Variants in HMBOX1 observed in about 807,000 individuals in gnomAD.
HMBOX1 encodes the protein homeobox-containing protein 1.
In HMBOX1, 14 loss-of-function variants were observed where a neutral mutation model predicts 54.5. The ratio of observed to expected loss-of-function variants is 0.26; its 90% CI spans 0.17 to 0.40. The LOEUF is 0.40. HMBOX1 is among the 10% of genes least tolerant of loss of function. The pLI, the probability that HMBOX1 is intolerant of heterozygous loss-of-function variation, is 1.00. For missense variants in HMBOX1, 332 were observed against 514.4 expected (o/e 0.65, Z 3.43); for synonymous variants, 160 against 181.0 (o/e 0.88, Z 0.93).
rs147891204 is a variant in HMBOX1, at chr8:29,009,154, A to T, written c.669A>T (p.Arg223=). ...AACAGAAGAAAAGAGCATTTTACCGATGGTATCAACTTGAGAAGACAAACC... is the reference window on the plus strand; with the variant it reads ...AACAGAAGAAAAGAGCATTTTACCGTTGGTATCAACTTGAGAAGACAAACC... ...LSEQKKRAFY[R]WYQLEKTNPG... is the part of the protein sequence containing the mutation. The change falls in exon 5 of 10, where the codon CGA becomes CGT. Residue 223 remains arginine, a synonymous_variant. Transcript: ENST00000287701. 1.1e-3 allele frequency: 1,823 copies of T among 1,613,216 alleles called. 1 individual carries two copies. The highest frequency in any genetic ancestry group is 1.3e-3 in the Non-Finnish European group (1,490 of 1,179,214).
intron 5 of HMBOX1, among the ~76,000 whole-genome samples, chr8:29,012,088 T>A (rs1264587476): frequency 6.6e-6 from 1 of 152,260 alleles, no homozygotes; most frequent in Non-Finnish European, 1.5e-5. Context: ...TTGGTAGTTG[T>A]TGTTGCGTTA....
intron 1 of HMBOX1, among the ~76,000 whole-genome samples, chr8:28,923,755 C>A (rs770395682): frequency 7.2e-5 from 11 of 152,068 alleles, no homozygotes; most frequent in Non-Finnish European, 1.5e-4. Context: ...TTTTTCACGT[C>A]CTCACCAACA....
chr8:29,030,408 G>A (rs1376804437), intron 6 of HMBOX1, among the ~76,000 whole-genome samples: 1 of 151,856 alleles, frequency 6.6e-6, no homozygotes, highest in East Asian at 1.9e-4. Context: ...TATTAGAGAC[G>A]GGGTTTCTCT....
intron 4 of HMBOX1, among the ~76,000 whole-genome samples, chr8:29,005,230 G>T (rs1833274692): frequency 6.6e-6 from 1 of 152,128 alleles, no homozygotes; most frequent in African/African-American, 2.4e-5. Context: ...GGAGGGGGAA[G>T]ACAGAAATTC....
chr8:28,908,223 T>C (rs996264777), intron 1 of HMBOX1, among the ~76,000 whole-genome samples: 1 of 152,210 alleles, frequency 6.6e-6, no homozygotes, highest in East Asian at 1.9e-4. Context: ...ATTTGGTTTG[T>C]ACTGTTATTT....
chr8:29,045,290 G>A (rs1199896429), intron 6 of HMBOX1, 71 bp from the exon 7 acceptor site: 2 of 1,146,740 alleles, frequency 1.7e-6, no homozygotes, highest in Non-Finnish European at 1.3e-6. Flanking sequence ...ATATTTTTCA[G>A]TGAGTTAGTG....
intron 1 of HMBOX1, among the ~76,000 whole-genome samples, chr8:28,923,347 C>T (rs191885552): frequency 1.9e-3 from 289 of 152,294 alleles, no homozygotes; most frequent in Non-Finnish European, 3.1e-3. Context: ...TGTAGCATGA[C>T]TCATTAATTT....
chr8:29,049,058 T>C lies in HMBOX1; in HGVS notation c.1125+10T>C, dbSNP rs1450603207. The C allele has an allele frequency of 8.7e-6, 14 of 1,610,938 alleles. No homozygotes were observed. Among genetic ancestry groups the C allele is most frequent in the East Asian group, 2.2e-5 (1 of 44,836 alleles). ...TGACTACTCTGAGCAGGTGAGCCCC[T>C]GCGCAGCTGGGCGAGGTTCTTGGTG... On this transcript the variant is annotated intron_variant, in intron 9 of 9. Coordinates refer to ENST00000287701, the MANE Select transcript of HMBOX1 (RefSeq NM_001135726.3).
chr8:28,986,532 T>G lies in HMBOX1; in HGVS notation c.586+6376T>G, dbSNP rs977327480. ...GGATTTTACCAGTTTTATGTGGATCTCCAATTTGAAGGCTATCACCTATCT... is the reference window on the plus strand; with the variant it reads ...GGATTTTACCAGTTTTATGTGGATCGCCAATTTGAAGGCTATCACCTATCT... On this transcript the variant is annotated intron_variant, in intron 4 of 9. Coordinates refer to ENST00000287701, the MANE Select transcript of HMBOX1 (RefSeq NM_001135726.3). 3.3e-5 allele frequency among the ~76,000 whole-genome samples: 5 copies of G among 152,226 alleles called. No individual in the cohort carries two copies. The South Asian group carries it at 1.0e-3, about 31-fold the overall frequency.
chr8:28,923,433 G>T (rs1425267208), intron 1 of HMBOX1, among the ~76,000 whole-genome samples: 1 of 152,190 alleles, frequency 6.6e-6, no homozygotes, highest in Admixed American at 6.5e-5. Context: ...GATGGATATT[G>T]CTATGAAATA....
At chr8:28,943,930 G>A (rs1821925925) in intron 1 of HMBOX1, among the ~76,000 whole-genome samples, 1 of 152,120 alleles carries the variant, frequency 6.6e-6, no homozygotes, top group African/African-American at 2.4e-5. Flanking sequence ...TTTAAATACT[G>A]TGTAGGTCAA....
In HMBOX1 at chr8:28,970,422, A is replaced by G. The variant is rs773540676; in HGVS notation, c.403A>G (p.Thr135Ala). 14 of 1,613,968 alleles carry G rather than the reference A, an allele frequency of 8.7e-6. No homozygotes were observed. Among genetic ancestry groups the G allele is most frequent in the Middle Eastern group, 1.6e-4 (1 of 6,084 alleles). The change falls in exon 3 of 10, where the codon ACT (threonine) becomes GCT (alanine). Residue 135 changes from threonine (T) to alanine (A), a missense_variant. Transcript: ENST00000287701. The surrounding 1 kb of genome is among the most constrained non-coding windows in gnomAD (Gnocchi z 4.3). ...LSTSNGKMSP[T>A]RYHANSMGQR... The stretch of plus-strand genomic sequence containing the variant: ...TACATCCAATGGAAAGATGTCACCA[A>G]CTCGCTACCATGCAAACAGCATGGG...
intron 1 of HMBOX1, among the ~76,000 whole-genome samples, chr8:28,894,877 T>G (rs1811781067): frequency 1.3e-5 from 2 of 152,062 alleles, no homozygotes; most frequent in Non-Finnish European, 1.5e-5. Flanking sequence ...GTTTTTCCAG[T>G]GATTAGTGTA....
chr8:28,950,033 A>G (rs573736578), intron 1 of HMBOX1: 1 of 152,346 alleles, frequency 6.6e-6, no homozygotes, highest in South Asian at 2.1e-4. Flanking sequence ...AAGTAGGCAT[A>G]TCCTAAGTGC....
chr8:28,916,202 C>G (rs1464070102), intron 1 of HMBOX1, among the ~76,000 whole-genome samples: 1 of 152,164 alleles, frequency 6.6e-6, no homozygotes, highest in Non-Finnish European at 1.5e-5. Flanking sequence ...TATCTGCCCT[C>G]TAAGTAAGGG....
intron 1 of HMBOX1, among the ~76,000 whole-genome samples, chr8:28,925,146 A>G (rs1818230950): frequency 6.6e-6 from 1 of 152,140 alleles, no homozygotes. Context: ...ATATTATGTG[A>G]CATGTGAAAG....
intron 1 of HMBOX1, among the ~76,000 whole-genome samples, chr8:28,956,575 C>A (rs2132188497): frequency 6.6e-6 from 1 of 152,090 alleles, no homozygotes; most frequent in Middle Eastern, 3.4e-3. Flanking sequence ...AATATGTATT[C>A]TTTCCTGCTG....
chr8:29,033,492 A>G (rs996885201), intron 6 of HMBOX1, among the ~76,000 whole-genome samples: 2 of 152,194 alleles, frequency 1.3e-5, no homozygotes, highest in Admixed American at 1.3e-4. Context: ...AGTTATCCCA[A>G]TCCATTTCTC....
chr8:28,902,570 C>T (rs1281390869), intron 1 of HMBOX1, among the ~76,000 whole-genome samples: 1 of 152,104 alleles, frequency 6.6e-6, no homozygotes, highest in African/African-American at 2.4e-5. Context: ...CATAATGTCT[C>T]CTTAGGCATC....
Sources: allele counts gnomAD v4.1 joint callset (sites outside exome capture counted in the v4.1 genomes callset), GRCh38; gene constraint gnomAD v4.1.1; non-coding constraint Gnocchi (gnomAD v3.1); transcripts MANE v1.5; gene names NCBI Gene and HGNC (gene_info 2026-07-23, HGNC 2026-07-21).